The following CSMD1 variants were observed in gnomAD, a reference collection of about 807,000 sequenced individuals.
CSMD1 encodes CUB and sushi domain-containing protein 1.
A neutral mutation model predicts 417.5 loss-of-function variants in CSMD1; 213 were observed. The observed-to-expected ratio is 0.51, with a 90% CI of 0.46 to 0.57. CSMD1 has a LOEUF of 0.57. Among genes scored for constraint, CSMD1 ranks in the 20% least tolerant of loss-of-function variants. The pLI is 0.00. For missense variants in CSMD1, 6,923 were observed against 4,529.7 expected, an observed-to-expected ratio of 1.53 and a Z score of -15.17; for synonymous variants, 2,862 against 1,736.8, an observed-to-expected ratio of 1.65 and a Z score of -16.11.
chr8:3,593,105 T>G lies in CSMD1; in HGVS notation c.1098-6845A>C, dbSNP rs369325232. Among the ~76,000 whole-genome samples the G allele has an allele frequency of 3.2e-4, 49 of 152,310 alleles. 1 individual carries two copies. The South Asian group carries it at 9.9e-3, about 31-fold the overall frequency. ...GAGCTGAGTCCTGCTTAAAGCGGTC[T>G]GGCTACCGCCAGAACTTGTCACTGG... On this transcript the variant is annotated intron_variant, in intron 8 of 69. Coordinates refer to ENST00000635120, the MANE Select transcript of CSMD1 (RefSeq NM_033225.6).
At chr8:4,352,914 A>T (rs1383865671) in intron 3 of CSMD1, among the ~76,000 whole-genome samples, 1 of 152,230 alleles carries the variant, frequency 6.6e-6, no homozygotes, top group Non-Finnish European at 1.5e-5. Flanking sequence ...AGAAAGATTT[A>T]GGCAAAATAT....
rs528432165 is a variant in CSMD1 at position 3,552,148 on chromosome 8, T to G, written c.1344+22797A>C. 4.6e-5 allele frequency among the ~76,000 whole-genome samples: 7 copies of G among 152,352 alleles called. 1 individual carries two copies. The South Asian group carries it at 1.5e-3, about 32-fold the overall frequency. On this transcript the variant is annotated intron_variant, in intron 10 of 69. Coordinates refer to ENST00000635120, the MANE Select transcript of CSMD1 (RefSeq NM_033225.6). ...GAGGCACTTTGAATTCATCCCATCTTCTAAGAGAAAGAGGTGAGATTTTCT... is the reference window on the plus strand; with the variant it reads ...GAGGCACTTTGAATTCATCCCATCTGCTAAGAGAAAGAGGTGAGATTTTCT...
chr8:4,097,143 C>G (rs1031638816), intron 3 of CSMD1, among the ~76,000 whole-genome samples: 5 of 152,130 alleles, frequency 3.3e-5, no homozygotes, highest in African/African-American at 4.8e-5. Flanking sequence ...ACGAGCTGTT[C>G]ATTTCTTTCT....
At chr8:4,200,337 T>C (rs1410176447) in intron 3 of CSMD1, among the ~76,000 whole-genome samples, 1 of 152,164 alleles carries the variant, frequency 6.6e-6, no homozygotes, top group Non-Finnish European at 1.5e-5. Context: ...ATGCTGTGTT[T>C]AGAGTCTGCT....
chr8:4,434,693 G>C (rs113952946), intron 2 of CSMD1, among the ~76,000 whole-genome samples: 1 of 152,136 alleles, frequency 6.6e-6, no homozygotes, highest in Non-Finnish European at 1.5e-5. Flanking sequence ...GGAACAAAGA[G>C]TAACAAATGT....
intron 2 of CSMD1, among the ~76,000 whole-genome samples, chr8:4,514,376 T>C (rs1803000902): frequency 6.6e-6 from 1 of 152,094 alleles, no homozygotes; most frequent in Non-Finnish European, 1.5e-5. Context: ...ATACCTGAAT[T>C]TTAGGGGGAC....
intron 41 of CSMD1, 148 bp downstream of exon 41, chr8:3,142,317 C>G (rs1305224145): frequency 6.9e-6 from 5 of 720,554 alleles, no homozygotes; most frequent in Non-Finnish European, 9.2e-6. Flanking sequence ...AACAAGTGTT[C>G]CACTACTAAC....
chr8:3,913,646 G>C (rs1563204991), intron 5 of CSMD1, among the ~76,000 whole-genome samples: 1 of 152,282 alleles, frequency 6.6e-6, no homozygotes, highest in Non-Finnish European at 1.5e-5. Context: ...ATCCAGCATT[G>C]AGACATTTGG....
chr8:3,693,875 G>A (rs1391931923), intron 7 of CSMD1, among the ~76,000 whole-genome samples: 2 of 150,832 alleles, frequency 1.3e-5, no homozygotes, highest in Non-Finnish European at 3.0e-5. Flanking sequence ...TGTGTGTTTC[G>A]TGTATGTTGA....
intron 1 of CSMD1, among the ~76,000 whole-genome samples, chr8:4,954,047 G>T (rs1808918239): frequency 6.6e-6 from 1 of 152,046 alleles, no homozygotes; most frequent in Non-Finnish European, 1.5e-5. Context: ...AGAATTGAGT[G>T]CTTTTCTTTC....
At chr8:3,258,942 A>C (rs896828091) in intron 26 of CSMD1, among the ~76,000 whole-genome samples, 1 of 152,194 alleles carries the variant, frequency 6.6e-6, no homozygotes, top group African/African-American at 2.4e-5. Flanking sequence ...GGTCTCCCGG[A>C]TGGTGGAAAG....
At chr8:3,021,489 G>C (rs1437678033) in intron 51 of CSMD1, among the ~76,000 whole-genome samples, 2 of 152,148 alleles carry the variant, frequency 1.3e-5, no homozygotes, top group African/African-American at 4.8e-5. Flanking sequence ...TTCCTCTGAA[G>C]TTTCTAAAAA....
intron 5 of CSMD1, among the ~76,000 whole-genome samples, chr8:3,866,102 G>T (rs1205740818): frequency 1.3e-5 from 2 of 152,026 alleles, no homozygotes; most frequent in East Asian, 1.9e-4. Context: ...TCCAAATAAG[G>T]ATTACATTAT....
At chr8:3,096,699 T>C (rs2129010814) in intron 47 of CSMD1, 150 bp downstream of exon 47, 1 of 601,592 alleles carries the variant, frequency 1.7e-6, no homozygotes, top group Non-Finnish European at 2.9e-6. Flanking sequence ...TGAGAATGCA[T>C]AACCCCAAAC....
chr8:3,848,194 C>A (rs918093844), intron 5 of CSMD1, among the ~76,000 whole-genome samples: 1 of 152,044 alleles, frequency 6.6e-6, no homozygotes, highest in Non-Finnish European at 1.5e-5. Flanking sequence ...AAGCCAATGT[C>A]AGGAACAATC....
At chr8:3,758,411 C>T (rs575436875) in intron 5 of CSMD1, among the ~76,000 whole-genome samples, 72 of 152,280 alleles carry the variant, frequency 4.7e-4, no homozygotes, top group Non-Finnish European at 6.9e-4. Context: ...TTGCGTTAAA[C>T]AAATGTTCAT....
chr8:4,101,174 T>C (rs933157459), intron 3 of CSMD1, among the ~76,000 whole-genome samples: 7 of 152,216 alleles, frequency 4.6e-5, no homozygotes, highest in African/African-American at 1.7e-4. Context: ...TATGAGTCCA[T>C]CTGAATACAT....
intron 5 of CSMD1, among the ~76,000 whole-genome samples, chr8:3,891,523 A>T (rs567058758): frequency 6.6e-6 from 1 of 152,096 alleles, no homozygotes; most frequent in Non-Finnish European, 1.5e-5. Flanking sequence ...CTAATCACAC[A>T]CACACAAAAA....
At chr8:4,838,054 T>A (rs1350734848) in intron 1 of CSMD1, among the ~76,000 whole-genome samples, 1 of 152,106 alleles carries the variant, frequency 6.6e-6, no homozygotes, top group African/African-American at 2.4e-5. Context: ...TGTGAATGGG[T>A]GACCAGGAAG....
Sources: allele counts gnomAD v4.1 joint callset (sites outside exome capture counted in the v4.1 genomes callset), GRCh38; gene constraint gnomAD v4.1.1; transcripts MANE v1.5; gene names NCBI Gene and HGNC (gene_info 2026-07-23, HGNC 2026-07-21).